Variants in PLPPR5 observed in about 807,000 individuals in gnomAD.
PLPPR5 encodes the protein phospholipid phosphatase-related protein type 5.
PLPPR5 carries 16 observed loss-of-function variants against 33.9 expected under a neutral mutation model. The observed-to-expected ratio is 0.47, with a 90% CI of 0.32 to 0.72. PLPPR5 has a LOEUF of 0.72. PLPPR5 is among the 30% of genes least tolerant of loss of function. The pLI is 0.03. For synonymous variants in PLPPR5, 163 were observed against 150.3 expected, an observed-to-expected ratio of 1.08 and a Z score of -0.62; for missense variants, 301 against 406.7, an observed-to-expected ratio of 0.74 and a Z score of 2.23.
intron 1 of PLPPR5, among the ~76,000 whole-genome samples, chr1:98,983,959 T>G (rs1652153386): frequency 1.3e-5 from 2 of 148,964 alleles, no homozygotes; most frequent in South Asian, 4.3e-4. Flanking sequence ...TTTTTTTTTT[T>G]GAAATTCACA....
intron 3 of PLPPR5, among the ~76,000 whole-genome samples, chr1:98,932,735 G>C (rs1251595835): frequency 6.6e-6 from 1 of 152,200 alleles, no homozygotes; most frequent in Non-Finnish European, 1.5e-5. Context: ...CAGTAAGCAT[G>C]CACATTAGTT....
chr1:98,893,026 A>G lies in PLPPR5; in HGVS notation c.*46T>C. The G allele has an allele frequency of 1.3e-6, 2 of 1,592,188 alleles. No individual in the cohort carries two copies. Among genetic ancestry groups the G allele is most frequent in the East Asian group, 2.3e-5 (1 of 44,428 alleles). The stretch of plus-strand genomic sequence containing the variant: ...ACTTTGGGTGTTATGAATGGATGGT[A>G]AAAAGGGATGATGTCCAATGCAGTG... On this transcript the variant is annotated 3_prime_UTR_variant, in exon 6 of 6. Transcript: ENST00000263177.
At chr1:98,987,930 T>G (rs1430502005) in intron 1 of PLPPR5, among the ~76,000 whole-genome samples, 1 of 152,080 alleles carries the variant, frequency 6.6e-6, no homozygotes, top group African/African-American at 2.4e-5. Flanking sequence ...GAACAAAAAT[T>G]GAAATATTTA....
At chr1:98,919,153 G>C (rs928518061) in intron 4 of PLPPR5, among the ~76,000 whole-genome samples, 3 of 152,204 alleles carry the variant, frequency 2.0e-5, no homozygotes, top group Non-Finnish European at 4.4e-5. Context: ...ACATGGTTCA[G>C]AGAAGGCCTC....
Position 98,973,671 on chromosome 1 carries a change from T to C in PLPPR5, c.238-16930A>G, listed in dbSNP as rs116469317. Among the ~76,000 whole-genome samples, 606 of 151,928 alleles carry C rather than the reference T, an allele frequency of 4.0e-3. 3 individuals are homozygous for C. Among genetic ancestry groups the C allele is most frequent in the African/African-American group, 0.014 (569 of 41,444 alleles). On this transcript the variant is annotated intron_variant, in intron 1 of 5. Coordinates refer to ENST00000263177, the MANE Select transcript of PLPPR5 (RefSeq NM_001037317.2). Reference sequence around the variant, plus strand: ...GACCCAGGGAAACCAGGACATAGGGTTGACACAATTATAGTGCAAAGAAGA... The same window carrying C: ...GACCCAGGGAAACCAGGACATAGGGCTGACACAATTATAGTGCAAAGAAGA...
At position 98,947,380 on chromosome 1, in the gene PLPPR5, T is replaced by G. The variant is rs1342432886; in HGVS notation, c.621+5690A>C. On this transcript the variant is annotated intron_variant, in intron 3 of 5. Coordinates refer to ENST00000263177, the MANE Select transcript of PLPPR5 (RefSeq NM_001037317.2). ...ATGTCAATCACAGAATACCCAAATG[T>G]AAGTGTCTTTTACAGAAGCCAAGTA... is the stretch of plus-strand genomic sequence containing the variant. Among the ~76,000 whole-genome samples the G allele has an allele frequency of 2.6e-5, 4 of 152,318 alleles. No individual in the cohort carries two copies. In the East Asian group the frequency reaches 7.7e-4, roughly 29 times the overall value.
chr1:98,906,582 T>A (rs901892834), intron 5 of PLPPR5, among the ~76,000 whole-genome samples: 2 of 152,074 alleles, frequency 1.3e-5, no homozygotes, highest in Admixed American at 1.3e-4. Flanking sequence ...ATCAGGTCTA[T>A]TCACATGTTC....
intron 1 of PLPPR5, among the ~76,000 whole-genome samples, chr1:98,988,177 C>G (rs372070315): frequency 1.1e-3 from 161 of 152,162 alleles, no homozygotes; most frequent in African/African-American, 3.6e-3. Context: ...TTTGATTTGA[C>G]TTCCCAGCCT....
intron 5 of PLPPR5, among the ~76,000 whole-genome samples, chr1:98,894,656 A>T (rs1648402939): frequency 6.6e-6 from 1 of 152,112 alleles, no homozygotes; most frequent in Non-Finnish European, 1.5e-5. Context: ...AAAGGAGGTA[A>T]GAAATAACAT....
chr1:98,951,759 T>C (rs1650792290), intron 3 of PLPPR5, among the ~76,000 whole-genome samples: 2 of 152,252 alleles, frequency 1.3e-5, no homozygotes, highest in Admixed American at 6.5e-5. Flanking sequence ...TTTCTGCTTT[T>C]AGAAATAACA....
Position 98,900,224 on chromosome 1 carries a change from A to G in PLPPR5, c.934-7120T>C, listed in dbSNP as rs149333969. On this transcript the variant is annotated intron_variant, in intron 5 of 5. Coordinates refer to ENST00000263177, the MANE Select transcript of PLPPR5 (RefSeq NM_001037317.2). Reference sequence around the variant, plus strand: ...CAGTTGATCATAAGATCAATCTTTAACAGCATCCTCAAGTTTCTTGCCCTC... The same window carrying G: ...CAGTTGATCATAAGATCAATCTTTAGCAGCATCCTCAAGTTTCTTGCCCTC... Among the ~76,000 whole-genome samples, 554 of 152,262 alleles carry G rather than the reference A, an allele frequency of 3.6e-3. 2 individuals are homozygous for G. Among genetic ancestry groups the G allele is most frequent in the African/African-American group, 0.013 (522 of 41,570 alleles).
At chr1:98,951,776 T>C (rs1650793384) in intron 3 of PLPPR5, among the ~76,000 whole-genome samples, 1 of 152,212 alleles carries the variant, frequency 6.6e-6, no homozygotes, top group South Asian at 2.1e-4. Context: ...AACATGATTG[T>C]ATTGAAAACA....
chr1:98,921,684 C>A (rs1416798489), intron 4 of PLPPR5, among the ~76,000 whole-genome samples, 198 bp downstream of exon 4: 1 of 151,934 alleles, frequency 6.6e-6, no homozygotes, highest in South Asian at 2.1e-4. Flanking sequence ...TTTTCATCCC[C>A]AAACCTGACT....
chr1:99,004,725 G>A lies in PLPPR5; in HGVS notation c.-54C>T, dbSNP rs550430926. On this transcript the variant is annotated 5_prime_UTR_variant, in exon 1 of 6. Transcript: ENST00000263177. ...GCCGAGCGGGCGGTCGACGCGGTGG[G>A]CCCCCTCCCCGGTCCGCCGAGGCAG... The A allele has an allele frequency of 2.7e-3, 3,372 of 1,242,354 alleles. 20 individuals are homozygous for A. The highest frequency in any genetic ancestry group is 0.015 in the South Asian group (588 of 38,566). 77.0% of individuals were successfully genotyped at this position (1,242,354 alleles called of 1,614,324 possible). A position where few individuals can be genotyped will look rare whatever the true frequency, so the allele number is the denominator to read the frequency against.
intron 3 of PLPPR5, 143 bp downstream of exon 3, chr1:98,952,927 T>C: frequency 1.0e-6 from 1 of 958,002 alleles, no homozygotes; most frequent in South Asian, 1.8e-5. Flanking sequence ...CAAACAGCTA[T>C]TATTAAAAAT....
chr1:98,950,797 TC>T (rs2101208260), intron 3 of PLPPR5, among the ~76,000 whole-genome samples: 1 of 152,252 alleles, frequency 6.6e-6, no homozygotes, highest in South Asian at 2.1e-4. Flanking sequence ...GATTCTCCCG[TC>T]TTGGCCTCTC....
intron 1 of PLPPR5, among the ~76,000 whole-genome samples, chr1:98,999,077 A>C (rs1470920883): frequency 6.6e-6 from 1 of 152,182 alleles, no homozygotes; most frequent in East Asian, 1.9e-4. Flanking sequence ...CTTCCTATTC[A>C]GACTCCCAAT....
rs756058106 is a variant in PLPPR5 at position 98,939,408 on chromosome 1, C to A, written c.621+13662G>T. On this transcript the variant is annotated intron_variant, in intron 3 of 5. Coordinates refer to ENST00000263177, the MANE Select transcript of PLPPR5 (RefSeq NM_001037317.2). ...GATAAAGCCTTAAAAAGGGGACCAG[C>A]CTTAATCCAGGTTGCTAAGGTAAAA... 4.0e-5 allele frequency among the ~76,000 whole-genome samples: 6 copies of A among 151,700 alleles called. 1 individual carries two copies. Among genetic ancestry groups the A allele is most frequent in the Non-Finnish European group, 4.4e-5 (3 of 67,894 alleles).
chr1:98,987,772 G>A (rs1043369194), intron 1 of PLPPR5, among the ~76,000 whole-genome samples: 9 of 151,972 alleles, frequency 5.9e-5, no homozygotes, highest in African/African-American at 2.2e-4. Context: ...AAATTAATTA[G>A]ATGAAATAAA....
Sources: gnomAD v4.1 joint callset for allele counts (sites outside exome capture counted in the v4.1 genomes callset) on GRCh38, gnomAD v4.1.1 for gene constraint, MANE v1.5 for transcripts, NCBI Gene and HGNC (gene_info 2026-07-23, HGNC 2026-07-21) for gene names.